ADGRV1: variants seen among roughly 807,000 people sequenced by gnomAD.
ADGRV1 encodes G-protein coupled receptor 98.
Under a neutral mutation model 596.2 loss-of-function variants are expected in ADGRV1, and 359 were observed. That is an observed-to-expected ratio of 0.60 (90% CI 0.55 to 0.66). The LOEUF is 0.66. Ranked by LOEUF, ADGRV1 falls within the 30% of genes least tolerant of loss-of-function variation. ADGRV1 has a pLI of 0.00. For missense variants in ADGRV1, 7,274 were observed against 7,575.6 expected (o/e 0.96, Z 1.48); for synonymous variants, 2,681 against 2,679.2 (o/e 1.00, Z -0.02).
At chr5:90,637,246 A>T (rs976205015) in intron 10 of ADGRV1, among the ~76,000 whole-genome samples, 4 of 150,564 alleles carry the variant, frequency 2.7e-5, no homozygotes, top group African/African-American at 4.9e-5. Flanking sequence ...ATTGGTTAGA[A>T]TTTTTTTTTT....
intron 9 of ADGRV1, among the ~76,000 whole-genome samples, chr5:90,632,923 C>T (rs1765682032): frequency 1.3e-5 from 2 of 152,170 alleles, no homozygotes; most frequent in South Asian, 4.1e-4. Context: ...AATAAGAGGG[C>T]TGTGTAGTTT....
intron 29 of ADGRV1, among the ~76,000 whole-genome samples, chr5:90,687,640 C>G (rs1745861680): frequency 6.6e-6 from 1 of 152,112 alleles, no homozygotes; most frequent in Admixed American, 6.6e-5. Context: ...GATTGTATAT[C>G]TAGAAAATCC....
At chr5:90,673,015 A>G (rs1015403635) in intron 22 of ADGRV1, 1 of 306,656 alleles carries the variant, frequency 3.3e-6, no homozygotes, top group South Asian at 1.4e-4. Flanking sequence ...GACTGGGGCC[A>G]TGTCTAACCC....
chr5:90,600,792 C>T (rs1761299748), intron 1 of ADGRV1, among the ~76,000 whole-genome samples: 1 of 151,982 alleles, frequency 6.6e-6, no homozygotes. Flanking sequence ...TCACACAATT[C>T]CATTTTGTGT....
At chr5:90,862,285 C>T (rs1767669038) in intron 82 of ADGRV1, among the ~76,000 whole-genome samples, 1 of 146,896 alleles carries the variant, frequency 6.8e-6, no homozygotes, top group Non-Finnish European at 1.5e-5. Flanking sequence ...TACAGCAGAG[C>T]ACATATTTGT....
intron 65 of ADGRV1, 115 bp downstream of exon 65, chr5:90,781,693 T>A: frequency 1.2e-6 from 1 of 844,744 alleles, no homozygotes; most frequent in Non-Finnish European, 1.8e-6. Context: ...TGTTTGTGTT[T>A]ACACATATAC....
At chr5:90,561,877 T>C (rs1754881328) in intron 1 of ADGRV1, among the ~76,000 whole-genome samples, 1 of 152,196 alleles carries the variant, frequency 6.6e-6, no homozygotes, top group Non-Finnish European at 1.5e-5. Context: ...GGGGGACAAA[T>C]TGCATAGCTA....
chr5:90,806,436 ATTATTTTTTCCTGTTTATTTTCTAGCCC>A (rs1179940228), intron 72 of ADGRV1, among the ~76,000 whole-genome samples: 1 of 152,100 alleles, frequency 6.6e-6, no homozygotes, highest in African/African-American at 2.4e-5. Context: ...AAGATATTTA[ATTATTTTTTCCTGTTTATTTTCTAGCCC>A]TTTTTTTCCT....
At chr5:90,994,287 T>C (rs1331842476) in intron 85 of ADGRV1, among the ~76,000 whole-genome samples, 1 of 152,140 alleles carries the variant, frequency 6.6e-6, no homozygotes, top group African/African-American at 2.4e-5. Context: ...GGTCTCGAAC[T>C]CCTGACCTCA....
At chr5:91,087,127 TTTCCCCAAAG>T (rs2126549121) in intron 86 of ADGRV1, among the ~76,000 whole-genome samples, 1 of 152,344 alleles carries the variant, frequency 6.6e-6, no homozygotes, top group African/African-American at 2.4e-5. Context: ...TTCTTTCTTC[TTTCCCCAAAG>T]TTCCCTGATA....
intron 85 of ADGRV1, among the ~76,000 whole-genome samples, chr5:91,036,783 AG>A (rs976950680): frequency 2.0e-5 from 3 of 152,174 alleles, no homozygotes; most frequent in Non-Finnish European, 4.4e-5. Flanking sequence ...GTGATTACCC[AG>A]GGGATTCACA....
intron 87 of ADGRV1, among the ~76,000 whole-genome samples, chr5:91,123,984 G>T (rs932756409): frequency 6.6e-6 from 1 of 152,148 alleles, no homozygotes; most frequent in Non-Finnish European, 1.5e-5. Flanking sequence ...GGAGAGCGAA[G>T]GGCAGGCCAG....
chr5:90,605,620 A>T (rs1212110970), intron 1 of ADGRV1, among the ~76,000 whole-genome samples: 1 of 152,134 alleles, frequency 6.6e-6, no homozygotes, highest in Non-Finnish European at 1.5e-5. Context: ...TTCTGGAAAA[A>T]ATTATTGTGT....
intron 1 of ADGRV1, among the ~76,000 whole-genome samples, chr5:90,592,035 A>T (rs1759567411): frequency 6.6e-6 from 1 of 152,234 alleles, no homozygotes; most frequent in African/African-American, 2.4e-5. Flanking sequence ...AACTCAAAAC[A>T]AATGTTTGGA....
chr5:90,852,973 C>A (rs1439163523), intron 79 of ADGRV1, among the ~76,000 whole-genome samples: 5 of 152,192 alleles, frequency 3.3e-5, no homozygotes, highest in Non-Finnish European at 7.3e-5. Flanking sequence ...GAAAAGCACA[C>A]TTTTAAAGCC....
intron 64 of ADGRV1, 24 bp from the exon 65 acceptor site, chr5:90,781,405 AT>A (rs764347197): frequency 6.5e-6 from 10 of 1,540,100 alleles, no homozygotes; most frequent in Non-Finnish European, 8.9e-6. Context: ...ATTTTATTTT[AT>A]TTTGATTTGT....
Position 90,886,555 on chromosome 5 carries a change from C to T in ADGRV1, c.17856+22698C>T, listed in dbSNP as rs558130846. On this transcript the variant is annotated intron_variant, in intron 83 of 89. Coordinates refer to ENST00000405460, the MANE Select transcript of ADGRV1 (RefSeq NM_032119.4). ...TAAATGATCTCATCATTAGCCATAG[C>T]GTTAAGCTTTAACCATTTTTGTATA... Among the ~76,000 whole-genome samples the T allele has an allele frequency of 2.6e-5, 4 of 152,282 alleles. No individual in the cohort carries two copies. In the East Asian group the frequency reaches 5.8e-4, roughly 22 times the overall value.
intron 85 of ADGRV1, among the ~76,000 whole-genome samples, chr5:91,026,523 A>T (rs1581826541): frequency 1.3e-5 from 2 of 152,156 alleles, no homozygotes; most frequent in African/African-American, 4.8e-5. Flanking sequence ...TTAAGTACAC[A>T]CTATTAAGTA....
intron 87 of ADGRV1, among the ~76,000 whole-genome samples, chr5:91,141,658 G>A (rs1428690026): frequency 6.6e-6 from 1 of 152,148 alleles, no homozygotes; most frequent in African/African-American, 2.4e-5. Flanking sequence ...ATATACAAAT[G>A]CAGAAATACT....
Sources: gnomAD v4.1 joint callset for allele counts (sites outside exome capture counted in the v4.1 genomes callset) on GRCh38, gnomAD v4.1.1 for gene constraint, MANE v1.5 for transcripts, NCBI Gene and HGNC (gene_info 2026-07-23, HGNC 2026-07-21) for gene names.